NOVA1: variants seen among roughly 807,000 people sequenced by gnomAD.
NOVA1 encodes NOVA alternative splicing regulator 1.
A neutral mutation model predicts 38.0 loss-of-function variants in NOVA1; 7 were observed. That is an observed-to-expected ratio of 0.18 (90% CI 0.10 to 0.35). NOVA1 has a LOEUF of 0.35. Among genes scored for constraint, NOVA1 ranks in the 10% least tolerant of loss-of-function variants. The pLI, the probability that NOVA1 is intolerant of heterozygous loss-of-function variation, is 1.00. For synonymous variants in NOVA1, 270 were observed against 232.5 expected (o/e 1.16, Z -1.47); for missense variants, 460 against 616.0 (o/e 0.75, Z 2.68).
At chr14:26,521,432 C>T (rs534887565) in intron 2 of NOVA1, among the ~76,000 whole-genome samples, 3 of 152,046 alleles carry the variant, frequency 2.0e-5, no homozygotes, top group Admixed American at 6.6e-5. Flanking sequence ...AACAGACTCA[C>T]GAACTCTATT....
chr14:26,478,928 T>A (rs543603945), intron 3 of NOVA1: 11 of 151,994 alleles, frequency 7.2e-5, no homozygotes, highest in Non-Finnish European at 1.3e-4. Flanking sequence ...TATTGCCTAA[T>A]TATCAATTTC....
At chr14:26,538,401 A>G (rs995313029) in intron 2 of NOVA1, among the ~76,000 whole-genome samples, 1 of 152,166 alleles carries the variant, frequency 6.6e-6, no homozygotes, top group Admixed American at 6.5e-5. Context: ...AAAACTAAGG[A>G]AAAAACTAAT....
rs1279491896 is a variant in NOVA1 at position 26,443,341 on chromosome 14, AT to A, written c.*4617del. The A allele has an allele frequency of 4.6e-5, 7 of 152,052 alleles. No individual in the cohort carries two copies. Among genetic ancestry groups the A allele is most frequent in the Admixed American group, 1.3e-4 (2 of 15,264 alleles). 9.4% of individuals were successfully genotyped at this position (152,052 alleles called of 1,614,324 possible). A position where few individuals can be genotyped will look rare whatever the true frequency, so the allele number is the denominator to read the frequency against. ...ACGTTAAATATTTTTCCTTAAAAAA[AT>A]AATCTAATCAAAATATTGAATACTT... is the stretch of plus-strand genomic sequence containing the variant. On this transcript the variant is annotated 3_prime_UTR_variant, in exon 5 of 5. Coordinates refer to ENST00000539517, the MANE Select transcript of NOVA1 (RefSeq NM_002515.3).
intron 2 of NOVA1, among the ~76,000 whole-genome samples, chr14:26,571,596 C>T (rs546115409): frequency 2.0e-5 from 3 of 152,258 alleles, no homozygotes; most frequent in African/African-American, 2.4e-5. Context: ...TGTCTACCCA[C>T]GTGGCTAGAA....
At chr14:26,581,490 C>G (rs984123468) in intron 2 of NOVA1, among the ~76,000 whole-genome samples, 4 of 151,856 alleles carry the variant, frequency 2.6e-5, no homozygotes, top group African/African-American at 9.7e-5. Flanking sequence ...TTCATGTAAG[C>G]AATTTCAAAC....
At chr14:26,471,500 A>G (rs1164163587) in intron 4 of NOVA1, among the ~76,000 whole-genome samples, 1 of 151,780 alleles carries the variant, frequency 6.6e-6, no homozygotes, top group East Asian at 1.9e-4. Flanking sequence ...ACCTAAATGA[A>G]GCTCAACTCA....
intron 2 of NOVA1, among the ~76,000 whole-genome samples, chr14:26,489,664 A>C (rs1448621555): frequency 6.6e-6 from 1 of 151,750 alleles, no homozygotes; most frequent in Non-Finnish European, 1.5e-5. Flanking sequence ...CACAGTGAGA[A>C]CTCCATCTCT....
chr14:26,586,264 A>T (rs1893510094), intron 2 of NOVA1, among the ~76,000 whole-genome samples: 1 of 151,384 alleles, frequency 6.6e-6, no homozygotes, highest in Non-Finnish European at 1.5e-5. Flanking sequence ...AGCCTATAAC[A>T]CAATGAAAAT....
chr14:26,479,015 TATA>T (rs1489825355), intron 3 of NOVA1: 5 of 151,880 alleles, frequency 3.3e-5, no homozygotes, highest in South Asian at 2.1e-4. Flanking sequence ...CACTGTTCAG[TATA>T]ATACTTTTTA....
At chr14:26,570,128 C>G (rs1350607662) in intron 2 of NOVA1, among the ~76,000 whole-genome samples, 1 of 152,084 alleles carries the variant, frequency 6.6e-6, no homozygotes, top group Non-Finnish European at 1.5e-5. Flanking sequence ...AGGCAGATCA[C>G]CTGAGGTCAG....
At position 26,444,379 on chromosome 14, in the gene NOVA1, A is replaced by G. The variant is rs1881912345; in HGVS notation, c.*3580T>C. ...ATGCACTTTCTTAGAAAGCGATATA[A>G]ATATATAATACAGGACTTGCTAACC... On this transcript the variant is annotated 3_prime_UTR_variant, in exon 5 of 5. Transcript: ENST00000539517. 1 of 152,170 alleles carries G rather than the reference A, an allele frequency of 6.6e-6. No individual in the cohort carries two copies. The highest frequency in any genetic ancestry group is 1.5e-5 in the Non-Finnish European group (1 of 68,018). 9.4% of individuals were successfully genotyped at this position (152,170 alleles called of 1,614,324 possible). A position where few individuals can be genotyped will look rare whatever the true frequency, so the allele number is the denominator to read the frequency against.
intron 2 of NOVA1, among the ~76,000 whole-genome samples, chr14:26,505,363 C>G (rs1887568874): frequency 6.6e-6 from 1 of 151,980 alleles, no homozygotes; most frequent in South Asian, 2.1e-4. Context: ...CAGTGGAGTT[C>G]TTGTGAGATC....
chr14:26,480,233 T>G (rs1885352038), intron 2 of NOVA1, 90 bp from the exon 3 acceptor site: 29 of 1,105,322 alleles, frequency 2.6e-5, no homozygotes, highest in Non-Finnish European at 3.3e-5. Context: ...GCCAAAAAAA[T>G]GTAAAATGCA....
At chr14:26,549,830 T>A in intron 2 of NOVA1, 1 of 983,580 alleles carries the variant, frequency 1.0e-6, no homozygotes, top group Non-Finnish European at 1.4e-6. Context: ...ACCTCAGAAG[T>A]GGCTGCAATT....
At position 26,529,989 on chromosome 14, in the gene NOVA1, G is replaced by A. The variant is rs543239915; in HGVS notation, c.281-49846C>T. 3.9e-5 allele frequency among the ~76,000 whole-genome samples: 6 copies of A among 152,006 alleles called. No homozygotes were observed. In the East Asian group the frequency reaches 9.7e-4, roughly 25 times the overall value. ...GGCTGGAGAGCAGTGGCGCGATCTC[G>A]GCTCACTGCAAGCTCCGCCTCCCGG... On this transcript the variant is annotated intron_variant, in intron 2 of 4. Coordinates refer to ENST00000539517, the MANE Select transcript of NOVA1 (RefSeq NM_002515.3).
At chr14:26,498,229 T>C (rs930242701) in intron 2 of NOVA1, among the ~76,000 whole-genome samples, 3 of 151,564 alleles carry the variant, frequency 2.0e-5, no homozygotes, top group Non-Finnish European at 4.4e-5. Flanking sequence ...CCAGTTAATT[T>C]TTTTTTTTTT....
Position 26,558,985 on chromosome 14 carries a change from T to C in NOVA1, c.280+36425A>G, listed in dbSNP as rs12887135. Among the ~76,000 whole-genome samples, 1,204 of 152,150 alleles carry C rather than the reference T, an allele frequency of 7.9e-3. 13 individuals are homozygous for C. Among genetic ancestry groups the C allele is most frequent in the Middle Eastern group, 0.027 (8 of 294 alleles). ...CTTGCCTACATATCATGCACCTCGC[T>C]TGGATGCAAAAGAAAACTTATAGGG... On this transcript the variant is annotated intron_variant, in intron 2 of 4. Coordinates refer to ENST00000539517, the MANE Select transcript of NOVA1 (RefSeq NM_002515.3).
chr14:26,524,997 G>A (rs370106807), intron 2 of NOVA1, among the ~76,000 whole-genome samples: 2 of 152,054 alleles, frequency 1.3e-5, no homozygotes, highest in East Asian at 3.9e-4. Context: ...CTATAGTTCA[G>A]AAATTCCAAA....
At chr14:26,485,865 C>T (rs1400586841) in intron 2 of NOVA1, among the ~76,000 whole-genome samples, 1 of 151,960 alleles carries the variant, frequency 6.6e-6, no homozygotes, top group African/African-American at 2.4e-5. Flanking sequence ...TGAAACATCA[C>T]AAAATAAAAC....
Sources: allele counts gnomAD v4.1 joint callset (sites outside exome capture counted in the v4.1 genomes callset), GRCh38; gene constraint gnomAD v4.1.1; transcripts MANE v1.5; gene names NCBI Gene and HGNC (gene_info 2026-07-23, HGNC 2026-07-21).